The following ARAP2 variants were observed in gnomAD, a reference collection of about 807,000 sequenced individuals.
ARAP2 encodes the protein arf-GAP with Rho-GAP domain, ANK repeat and PH domain-containing protein 2.
A neutral mutation model predicts 194.5 loss-of-function variants in ARAP2; 148 were observed. The ratio of observed to expected loss-of-function variants is 0.76; its 90% CI spans 0.67 to 0.87. The LOEUF (loss-of-function observed/expected upper bound fraction) is 0.87, where lower values mean the gene tolerates loss of function less well. ARAP2 is among the 40% of genes least tolerant of loss of function. ARAP2 has a pLI of 0.00. For missense variants in ARAP2, 2,128 were observed against 1,989.7 expected, an observed-to-expected ratio of 1.07 and a Z score of -1.32; for synonymous variants, 695 against 683.5, an observed-to-expected ratio of 1.02 and a Z score of -0.26.
chr4:36,164,934 A>G lies in ARAP2; in HGVS notation c.2153T>C (p.Val718Ala). 6.2e-7 allele frequency: 1 copy of G among 1,614,124 alleles called. No individual in the cohort carries two copies. Among genetic ancestry groups the G allele is most frequent in the East Asian group, 2.2e-5 (1 of 44,884 alleles). Residue 718 changes from valine (V) to alanine (A), a missense_variant, in exon 11 of 33, where the codon GTC (valine) becomes GCC (alanine). Transcript: ENST00000303965. Reference protein sequence around the residue: ...PDWASINLCVVICKKCAGQHR... With the variant: ...PDWASINLCVAICKKCAGQHR... ...ATTACCTGCACACTTCTTACAGATG[A>G]CAACACAGAGATTGATGGATGCCCA... is the stretch of plus-strand genomic sequence containing the variant.
rs1750885601 is a variant in ARAP2, at chr4:36,228,869, G to A, written c.618C>T (p.Leu206=). Residue 206 remains leucine, a synonymous_variant, in exon 2 of 33, where the codon CTC becomes CTT. Coordinates refer to ENST00000303965, the MANE Select transcript of ARAP2 (RefSeq NM_015230.4). ...CAGAGTCTGCATTAGGGAGCTTACT[G>A]AGATTTTCTGTGATCAATTTAACTT... The part of the protein sequence containing the change: ...TEKVKLITEN[L]SKLPNADSEC... 1 of 1,614,090 alleles carries A rather than the reference G, an allele frequency of 6.2e-7. No homozygotes were observed. The highest frequency in any genetic ancestry group is 8.5e-7 in the Non-Finnish European group (1 of 1,179,996).
intron 31 of ARAP2, among the ~76,000 whole-genome samples, chr4:36,074,766 G>A (rs1727851339): frequency 6.6e-6 from 1 of 151,938 alleles, no homozygotes; most frequent in Admixed American, 6.6e-5. Context: ...TTGTTCTTAG[G>A]TTGCAGCTCT....
intron 5 of ARAP2, among the ~76,000 whole-genome samples, chr4:36,023,978 C>T (rs1234833214): frequency 3.3e-5 from 5 of 151,358 alleles, no homozygotes; most frequent in South Asian, 2.1e-4. Context: ...AAAAAAATGA[C>T]GTTTGTGATT....
intron 2 of ARAP2, among the ~76,000 whole-genome samples, chr4:36,055,883 A>C (rs562496605): frequency 6.6e-6 from 1 of 152,314 alleles, no homozygotes; most frequent in South Asian, 2.1e-4. Flanking sequence ...TACGTTTATA[A>C]GGTAATTTCA....
At chr4:36,088,906 G>A (rs1226131403) in intron 28 of ARAP2, among the ~76,000 whole-genome samples, 6 of 152,092 alleles carry the variant, frequency 3.9e-5, no homozygotes, top group Non-Finnish European at 5.9e-5. Flanking sequence ...TCACTTATAA[G>A]TGTGCAAGCA....
At position 36,147,723 on chromosome 4, in the gene ARAP2, T is replaced by G; in HGVS notation, c.3024A>C (p.Glu1008Asp). ...AATCATAGTCAGCTTCTGTTAAGTTTTCAGCAAATAAGGGAACAAAATGCT... is the reference window on the plus strand; with the variant it reads ...AATCATAGTCAGCTTCTGTTAAGTTGTCAGCAAATAAGGGAACAAAATGCT... ...IAKHFVPLFA[E>D]NLTEADYDLI... The change falls in exon 18 of 33, where the codon GAA (glutamate) becomes GAC (aspartate). Residue 1008 changes from glutamate to aspartate, a missense_variant. Glu to Asp is a conservative substitution (Grantham distance 45, BLOSUM62 2). Coordinates refer to ENST00000303965, the MANE Select transcript of ARAP2 (RefSeq NM_015230.4). 1 of 1,609,766 alleles carries G rather than the reference T, an allele frequency of 6.2e-7. No individual in the cohort carries two copies. Among genetic ancestry groups the G allele is most frequent in the Non-Finnish European group, 8.5e-7 (1 of 1,178,594 alleles).
At chr4:36,105,380 C>T (rs1284264143) in intron 27 of ARAP2, among the ~76,000 whole-genome samples, 1 of 151,954 alleles carries the variant, frequency 6.6e-6, no homozygotes. Context: ...ATCTCTGAAA[C>T]ATCACTTAAG....
chr4:36,054,408 C>T (rs1410727554), intron 2 of ARAP2, among the ~76,000 whole-genome samples: 2 of 152,062 alleles, frequency 1.3e-5, no homozygotes, highest in African/African-American at 2.4e-5. Context: ...AGTAGAGAGA[C>T]CTACAAAATC....
At chr4:36,126,596 G>T (rs1723967987) in intron 21 of ARAP2, among the ~76,000 whole-genome samples, 1 of 151,920 alleles carries the variant, frequency 6.6e-6, no homozygotes. Context: ...ATTCTTTTCA[G>T]GCCCAACATG....
At chr4:36,056,239 T>G (rs1030137102) in intron 2 of ARAP2, among the ~76,000 whole-genome samples, 2 of 152,202 alleles carry the variant, frequency 1.3e-5, no homozygotes, top group Non-Finnish European at 2.9e-5. Context: ...CAGAGCAAAT[T>G]TATAGAGTTC....
intron 15 of ARAP2, 106 bp downstream of exon 15, chr4:36,158,624 G>T (rs1280730830): frequency 6.5e-6 from 6 of 929,654 alleles, no homozygotes; most frequent in Admixed American, 3.0e-5. Context: ...ATCTCTACTT[G>T]GAGATCAAAT....
Position 36,233,881 on chromosome 4 carries a change from C to A in ARAP2, c.-159-4236G>T, listed in dbSNP as rs552671370. On this transcript the variant is annotated intron_variant, in intron 1 of 32. Coordinates refer to ENST00000303965, the MANE Select transcript of ARAP2 (RefSeq NM_015230.4). ...TTTCCTTCACAAGAGTTCTAGTGAA[C>A]AAGAAATGCATCCTCTTCTCCGTAT... is the stretch of plus-strand genomic sequence containing the variant. 2.0e-5 allele frequency among the ~76,000 whole-genome samples: 3 copies of A among 152,346 alleles called. No individual in the cohort carries two copies. In the South Asian group the frequency reaches 6.2e-4, roughly 32 times the overall value.
downstream of ARAP2, among the ~76,000 whole-genome samples, chr4:36,064,466 T>C (rs978173710): frequency 6.6e-6 from 1 of 152,214 alleles, no homozygotes; most frequent in Non-Finnish European, 1.5e-5. Flanking sequence ...TGGGCTCCTG[T>C]CCCTGCAGGT....
chr4:36,125,244 T>C (rs545503168), intron 21 of ARAP2, among the ~76,000 whole-genome samples: 4 of 151,978 alleles, frequency 2.6e-5, no homozygotes, highest in Non-Finnish European at 1.5e-5. Flanking sequence ...GGGATTATAT[T>C]TTTTTATCTT....
At chr4:36,124,811 T>C (rs369733224) in intron 22 of ARAP2, 51 bp downstream of exon 22, 1 of 1,122,396 alleles carries the variant, frequency 8.9e-7, no homozygotes, top group African/African-American at 1.6e-5. Context: ...AAATAATGAC[T>C]TATTGAGTGC....
chr4:36,020,908 C>A (rs1716820701), intron 5 of ARAP2, among the ~76,000 whole-genome samples: 1 of 152,060 alleles, frequency 6.6e-6, no homozygotes, highest in African/African-American at 2.4e-5. Context: ...GATTCAAGAA[C>A]TTTTTACAAG....
At chr4:36,078,788 T>C (rs1307637265) in intron 31 of ARAP2, among the ~76,000 whole-genome samples, 2 of 152,200 alleles carry the variant, frequency 1.3e-5, no homozygotes, top group Non-Finnish European at 2.9e-5. Flanking sequence ...ATCAGTTTAG[T>C]TGTGCCACAA....
rs368773247 is a variant in ARAP2 at position 36,229,142 on chromosome 4, A to G, written c.345T>C (p.Ser115=). ...TAACAGTCTCCAACTGCGGTGGGCT[A>G]GATGTCTGAACACTACCAGAATTGG... ...ELSNSGSVQT[S]SPPQLETVRK... Residue 115 remains serine, a synonymous_variant, in exon 2 of 33, where the codon TCT becomes TCC. Coordinates refer to ENST00000303965, the MANE Select transcript of ARAP2 (RefSeq NM_015230.4). 1.9e-6 allele frequency: 3 copies of G among 1,614,014 alleles called. No individual in the cohort carries two copies. The African/African-American group carries it at 4.0e-5, about 22-fold the overall frequency.
chr4:36,051,789 G>A (rs1722714108), intron 3 of ARAP2, among the ~76,000 whole-genome samples: 1 of 152,060 alleles, frequency 6.6e-6, no homozygotes, highest in Non-Finnish European at 1.5e-5. Context: ...ACACAATATG[G>A]TACAATGAGC....
Sources: allele counts gnomAD v4.1 joint callset (sites outside exome capture counted in the v4.1 genomes callset), GRCh38; gene constraint gnomAD v4.1.1; transcripts MANE v1.5; gene names NCBI Gene and HGNC (gene_info 2026-07-23, HGNC 2026-07-21).